Variants in MIA2 observed in about 807,000 individuals in gnomAD.
MIA2 encodes melanoma inhibitory activity protein 2.
In MIA2, 127 loss-of-function variants were observed where a neutral mutation model predicts 167.8. The ratio of observed to expected loss-of-function variants is 0.76; its 90% CI spans 0.66 to 0.88. MIA2 has a LOEUF of 0.88. Among genes scored for constraint, MIA2 ranks in the 40% least tolerant of loss-of-function variants. The pLI is 0.00. For synonymous variants in MIA2, 552 were observed against 541.9 expected (o/e 1.02, Z -0.26); for missense variants, 1,690 against 1,624.7 (o/e 1.04, Z -0.69).
intron 25 of MIA2, among the ~76,000 whole-genome samples, chr14:39,344,211 G>C (rs886375207): frequency 1.3e-5 from 2 of 152,140 alleles, no homozygotes; most frequent in Non-Finnish European, 2.9e-5. Flanking sequence ...TTATTTCTGA[G>C]GTTGTTGATG....
At chr14:39,383,738 T>A (rs984272569) in intron 23 of MIA2, among the ~76,000 whole-genome samples, 1 of 152,212 alleles carries the variant, frequency 6.6e-6, no homozygotes. Flanking sequence ...ATTGTTGATA[T>A]GGAGAAAATT....
intron 25 of MIA2, among the ~76,000 whole-genome samples, chr14:39,339,623 A>C (rs1029774939): frequency 2.0e-5 from 3 of 152,164 alleles, no homozygotes; most frequent in Non-Finnish European, 4.4e-5. Context: ...ATGATGAGTT[A>C]ATATAATGAA....
chr14:39,277,518 C>T (rs890537555), intron 7 of MIA2, among the ~76,000 whole-genome samples: 1 of 149,800 alleles, frequency 6.7e-6, no homozygotes, highest in Non-Finnish European at 1.5e-5. Context: ...AGAGAGAGAC[C>T]CTGTCTCAAA....
chr14:39,237,029 G>C lies in MIA2; in HGVS notation c.223G>C (p.Glu75Gln), dbSNP rs1186568530. Residue 75 changes from glutamate to glutamine, a missense_variant, in exon 2 of 29, where the codon GAA (glutamate) becomes CAA (glutamine). Coordinates refer to ENST00000640607, the MANE Select transcript of MIA2 (RefSeq NM_001329214.4). Reference protein sequence around the residue: ...EISVYVKLAGEREDLWAGSKG... With the variant: ...EISVYVKLAGQREDLWAGSKG... Reference sequence around the variant, plus strand: ...ATCTGTTTATGTTAAACTTGCAGGAGAAAGGGAAGATTTGTGGGCAGGAAG... The same window carrying C: ...ATCTGTTTATGTTAAACTTGCAGGACAAAGGGAAGATTTGTGGGCAGGAAG... The C allele has an allele frequency of 6.2e-7, 1 of 1,614,062 alleles. No individual in the cohort carries two copies. The highest frequency in any genetic ancestry group is 8.5e-7 in the Non-Finnish European group (1 of 1,179,990).
At chr14:39,252,064 C>T (rs2054605908) in intron 4 of MIA2, among the ~76,000 whole-genome samples, 1 of 84,188 alleles carries the variant, frequency 1.2e-5, no homozygotes, top group African/African-American at 8.6e-5. Context: ...ATTTTTAGGA[C>T]AAAAAGGCAC....
At chr14:39,256,375 T>C (rs971190251) in intron 6 of MIA2, among the ~76,000 whole-genome samples, 1 of 152,158 alleles carries the variant, frequency 6.6e-6, no homozygotes, top group African/African-American at 2.4e-5. Context: ...TACATTTAGG[T>C]GAAAGGTTTC....
chr14:39,247,339 A>G lies in MIA2; in HGVS notation c.765A>G (p.Lys255=). The G allele has an allele frequency of 6.2e-7, 1 of 1,614,118 alleles. No homozygotes were observed. Among genetic ancestry groups the G allele is most frequent in the Non-Finnish European group, 8.5e-7 (1 of 1,180,020 alleles). Residue 255 remains lysine (K), a synonymous_variant, in exon 4 of 29, where the codon AAA becomes AAG. Coordinates refer to ENST00000640607, the MANE Select transcript of MIA2 (RefSeq NM_001329214.4). ...PVQESSFRSR[K]IAVEDENDLE... Reference sequence around the variant, plus strand: ...AAGAAAGCTCATTTCGGAGTAGAAAAATAGCAGTGGAAGATGAGAATGACC... The same window carrying G: ...AAGAAAGCTCATTTCGGAGTAGAAAGATAGCAGTGGAAGATGAGAATGACC...
chr14:39,280,196 T>A (rs1259097003), intron 9 of MIA2, among the ~76,000 whole-genome samples: 2 of 152,184 alleles, frequency 1.3e-5, no homozygotes, highest in Non-Finnish European at 1.5e-5. Context: ...TTAAATCTTC[T>A]ATTTTGTTGG....
intron 13 of MIA2, among the ~76,000 whole-genome samples, chr14:39,298,413 T>TATATATATATATATATATATATATA (rs2061741128): frequency 7.7e-5 from 2 of 26,130 alleles, no homozygotes; most frequent in Non-Finnish European, 1.6e-4. Context: ...TGATTCTGTT[T>TATATATATATATATATATATATATA]TATATATATA....
intron 12 of MIA2, among the ~76,000 whole-genome samples, chr14:39,294,555 A>G (rs2061162976): frequency 6.6e-6 from 1 of 151,956 alleles, no homozygotes; most frequent in South Asian, 2.1e-4. Context: ...TTCAGTGGAC[A>G]AGTGTTTATT....
intron 9 of MIA2, among the ~76,000 whole-genome samples, chr14:39,282,192 T>G (rs1414635410): frequency 6.6e-6 from 1 of 152,212 alleles, no homozygotes; most frequent in Non-Finnish European, 1.5e-5. Context: ...GAGGATTTAC[T>G]GTTGCTTTTC....
intron 23 of MIA2, among the ~76,000 whole-genome samples, chr14:39,382,190 C>A (rs2075179217): frequency 6.6e-6 from 1 of 152,140 alleles, no homozygotes; most frequent in African/African-American, 2.4e-5. Context: ...AGGAGTTGTA[C>A]AGCAAAATAA....
At chr14:39,318,850 C>T (rs1355537974) in intron 22 of MIA2, among the ~76,000 whole-genome samples, 1 of 152,074 alleles carries the variant, frequency 6.6e-6, no homozygotes, top group South Asian at 2.1e-4. Flanking sequence ...AATATTTAAA[C>T]TCCTAGCCTC....
In MIA2 at chr14:39,293,408, A is replaced by T. The variant is rs184293867; in HGVS notation, c.2319+27A>T. ...TAAGGCTTTTTTATTTGAGGAGAAT[A>T]TAAGAAAAAGAAAGTTACTGAGCTT... On this transcript the variant is annotated intron_variant, in intron 11 of 28. Transcript: ENST00000640607. 124 of 1,404,398 alleles carry T rather than the reference A, an allele frequency of 8.8e-5. 1 individual carries two copies. The African/African-American group carries it at 1.6e-3, about 18-fold the overall frequency. The allele number at this position is 1,404,398 out of a possible 1,614,324, so 87.0% of individuals were successfully genotyped here.
chr14:39,268,185 C>T (rs573514385), intron 6 of MIA2, among the ~76,000 whole-genome samples: 43 of 152,104 alleles, frequency 2.8e-4, no homozygotes, highest in African/African-American at 1.0e-3. Context: ...TCTTTGTTGA[C>T]ATGTGTAGGG....
In MIA2 at chr14:39,253,081, T is replaced by C; in HGVS notation, c.1797T>C (p.Ser599=). Residue 599 remains serine, a synonymous_variant, in exon 6 of 29, where the codon TCT becomes TCC. Transcript: ENST00000640607. ...TTTATAAATCAACAGAAGATGCTTC[T>C]GAGTTTCAGATTCTGAAATACTTAT... ...QNYISQKEDA[S]EFQILKYLFQ... 6.3e-7 allele frequency: 1 copy of C among 1,592,472 alleles called. No individual in the cohort carries two copies.
rs569302261 is a variant in MIA2 at position 39,251,308 on chromosome 14, AAAT to A, written c.1568-1436_1568-1434del. Among the ~76,000 whole-genome samples, 5 of 146,996 alleles carry A rather than the reference AAAT, an allele frequency of 3.4e-5. No individual in the cohort carries two copies. In the South Asian group the frequency reaches 8.3e-4, roughly 24 times the overall value. Reference sequence around the variant, plus strand: ...AAAAGGATTCCAATTGTGCATACTTAAATAATGAGTCTCCCCAGTACAGTTAAA... The same window carrying A: ...AAAAGGATTCCAATTGTGCATACTTAAATGAGTCTCCCCAGTACAGTTAAA... On this transcript the variant is annotated intron_variant, in intron 4 of 28. Transcript: ENST00000640607.
intron 6 of MIA2, among the ~76,000 whole-genome samples, chr14:39,271,725 T>A (rs1327996825): frequency 6.6e-6 from 1 of 151,876 alleles, no homozygotes; most frequent in African/African-American, 2.4e-5. Flanking sequence ...AGCCCAGGAC[T>A]TCAAGACCAG....
chr14:39,358,874 G>A (rs1286406749), intron 23 of MIA2, among the ~76,000 whole-genome samples: 6 of 152,192 alleles, frequency 3.9e-5, no homozygotes, highest in Admixed American at 6.5e-5. Context: ...GCGGATATTG[G>A]TGAACAGCCA....
Sources: allele counts gnomAD v4.1 joint callset (sites outside exome capture counted in the v4.1 genomes callset), GRCh38; gene constraint gnomAD v4.1.1; transcripts MANE v1.5; gene names NCBI Gene and HGNC (gene_info 2026-07-23, HGNC 2026-07-21).